FGF13: variants seen among roughly 807,000 people sequenced by gnomAD.
FGF13 encodes the protein fibroblast growth factor 13, also known as fibroblast growth factor homologous factor 2.
In FGF13, 2 loss-of-function variants were observed where a neutral mutation model predicts 19.5. The ratio of observed to expected loss-of-function variants is 0.10; its 90% CI spans 0.04 to 0.32. FGF13 has a LOEUF of 0.32. FGF13 is among the 10% of genes least tolerant of loss of function. The probability of loss-of-function intolerance (pLI) is 1.00; values close to 1 mark genes in which losing one functional copy is unlikely to be tolerated. For missense variants in FGF13, 113 were observed against 192.7 expected, an observed-to-expected ratio of 0.59 and a Z score of 2.45; for synonymous variants, 72 against 76.9, an observed-to-expected ratio of 0.94 and a Z score of 0.33.
intron 3 of FGF13, among the ~76,000 whole-genome samples, chrX:138,833,975 T>A (rs1026219687): frequency 8.9e-6 from 1 of 112,182 alleles, no homozygotes; most frequent in African/African-American, 3.2e-5. Flanking sequence ...GATTTGTGTA[T>A]GCTGAACCAA....
chrX:138,858,273 T>G (rs2091269870), intron 2 of FGF13, among the ~76,000 whole-genome samples: 1 of 111,854 alleles, frequency 8.9e-6, no homozygotes, highest in Non-Finnish European at 1.9e-5. Context: ...GAAACAACGC[T>G]TGGTCAAAGG....
At chrX:138,640,357 T>C (rs1000988610) in intron 3 of FGF13, among the ~76,000 whole-genome samples, 9 of 111,966 alleles carry the variant, frequency 8.0e-5, no homozygotes, top group Admixed American at 7.6e-4. Flanking sequence ...TATATGGAAA[T>C]AACCGCAAGA....
At chrX:139,111,844 G>T (rs2083605084) in intron 1 of FGF13, among the ~76,000 whole-genome samples, 1 of 111,853 alleles carries the variant, frequency 8.9e-6, no homozygotes, top group Non-Finnish European at 1.9e-5. Flanking sequence ...CCTTATACAT[G>T]AAGCATTTTT....
At chrX:138,792,327 C>A (rs1000925474) in intron 3 of FGF13, among the ~76,000 whole-genome samples, 1 of 112,270 alleles carries the variant, frequency 8.9e-6, no homozygotes, top group Non-Finnish European at 1.9e-5. Flanking sequence ...GATTAGGAAA[C>A]TAAGGTTTAG....
intron 1 of FGF13, among the ~76,000 whole-genome samples, chrX:138,910,467 A>G (rs1309644726): frequency 1.8e-5 from 2 of 111,893 alleles, no homozygotes; most frequent in Non-Finnish European, 3.8e-5. Context: ...AGATGGCAGC[A>G]TCAACTTAAA....
intron 3 of FGF13, among the ~76,000 whole-genome samples, chrX:138,786,547 G>T (rs1228088299): frequency 2.7e-5 from 3 of 111,657 alleles, no homozygotes; most frequent in African/African-American, 6.5e-5. Flanking sequence ...TTTCTTCAAG[G>T]TGTCACAGTG....
chrX:138,682,898 T>C (rs2089743479), intron 3 of FGF13, among the ~76,000 whole-genome samples: 1 of 111,827 alleles, frequency 8.9e-6, no homozygotes. Flanking sequence ...AAAACATGCT[T>C]GAGAATGCTT....
At position 138,622,017 on chromosome X, in the gene FGF13, C is replaced by T. The variant is rs1388519180; in HGVS notation, c.*10833G>A. The T allele has an allele frequency of 1.8e-5, 2 of 108,610 alleles. No individual in the cohort carries two copies. Among genetic ancestry groups the T allele is most frequent in the African/African-American group, 3.4e-5 (1 of 29,794 alleles). The allele number at this position is 108,610 out of a possible 1,213,427, so 9.0% of individuals were successfully genotyped here. A position where few individuals can be genotyped will look rare whatever the true frequency, so the allele number is the denominator to read the frequency against. On this transcript the variant is annotated 3_prime_UTR_variant, in exon 5 of 5. Transcript: ENST00000315930. Reference sequence around the variant, plus strand: ...GGCTTCAGTGGTGAATTCTACCCAACATTTAAAGAAAATCTAATATCAATC... The same window carrying T: ...GGCTTCAGTGGTGAATTCTACCCAATATTTAAAGAAAATCTAATATCAATC...
chrX:139,158,723 A>T (rs936554582), intron 1 of FGF13, among the ~76,000 whole-genome samples: 4 of 111,498 alleles, frequency 3.6e-5, no homozygotes, highest in Non-Finnish European at 5.6e-5. Flanking sequence ...AAGAAAGGAT[A>T]TCAGAGATTG....
intron 1 of FGF13, among the ~76,000 whole-genome samples, chrX:139,061,479 A>T (rs2092335824): frequency 9.0e-6 from 1 of 111,638 alleles, no homozygotes; most frequent in African/African-American, 3.3e-5. Context: ...TCTTTTGCAC[A>T]TGCCCACTCT....
intron 1 of FGF13, among the ~76,000 whole-genome samples, chrX:139,124,173 G>A (rs143501864): frequency 1.8e-5 from 2 of 112,228 alleles, no homozygotes; most frequent in African/African-American, 6.5e-5. Flanking sequence ...TAGTGCCCTC[G>A]TCCCTGGGAT....
chrX:139,068,459 G>A (rs1445430150), intron 1 of FGF13, among the ~76,000 whole-genome samples: 2 of 101,452 alleles, frequency 2.0e-5, no homozygotes, highest in Non-Finnish European at 3.9e-5. Context: ...GGATTGACTT[G>A]GCGATGCGGG....
At chrX:139,168,854 C>T (rs1038237202) in intron 1 of FGF13, among the ~76,000 whole-genome samples, 2 of 111,938 alleles carry the variant, frequency 1.8e-5, no homozygotes, top group Non-Finnish European at 3.8e-5. Context: ...TAGGACATAA[C>T]TGAAAATATA....
chrX:138,686,113 T>G (rs1246929326), intron 3 of FGF13, among the ~76,000 whole-genome samples: 2 of 111,432 alleles, frequency 1.8e-5, no homozygotes, highest in African/African-American at 3.3e-5. Flanking sequence ...AGAAAAAAGG[T>G]TAATCTTACG....
chrX:138,838,476 G>A (rs1483464743), intron 3 of FGF13, among the ~76,000 whole-genome samples: 1 of 111,848 alleles, frequency 8.9e-6, no homozygotes, highest in Non-Finnish European at 1.9e-5. Context: ...AAAGATCCAT[G>A]GGAGAATTGT....
rs748516408 is a variant in FGF13, at chrX:138,878,415, C to A, written c.-112-13765G>T. ...GAACATGCGGTGTTTGGTTTTTTGT[C>A]CTTGCGATAGTTTGCTGAGAATGAT... is the stretch of plus-strand genomic sequence containing the variant. On this transcript the variant is annotated intron_variant, in intron 1 of 2. Coordinates refer to the FGF13 transcript ENST00000421460. 2.9e-5 allele frequency among the ~76,000 whole-genome samples: 3 copies of A among 104,546 alleles called. No individual in the cohort carries two copies. In the East Asian group the frequency reaches 9.3e-4, roughly 32 times the overall value. The allele number at this position is 104,546 out of a possible 115,157, so 90.8% of individuals were successfully genotyped here.
At chrX:138,921,669 G>C (rs2091645897) in intron 1 of FGF13, among the ~76,000 whole-genome samples, 1 of 111,344 alleles carries the variant, frequency 9.0e-6, no homozygotes, top group African/African-American at 3.3e-5. Flanking sequence ...CAAGAAGACA[G>C]TCAATATTAT....
At chrX:138,748,938 G>C (rs2090376591) in intron 3 of FGF13, among the ~76,000 whole-genome samples, 1 of 111,924 alleles carries the variant, frequency 8.9e-6, no homozygotes, top group Non-Finnish European at 1.9e-5. Context: ...GAAAAGTGAA[G>C]CAGCAAATGT....
intron 1 of FGF13, among the ~76,000 whole-genome samples, chrX:138,992,951 A>G (rs905883273): frequency 1.8e-5 from 2 of 112,222 alleles, no homozygotes; most frequent in Non-Finnish European, 1.9e-5. Context: ...ATCACCAGTA[A>G]GGAGACATAG....
Sources: allele counts gnomAD v4.1 joint callset (sites outside exome capture counted in the v4.1 genomes callset), GRCh38; gene constraint gnomAD v4.1.1; transcripts MANE v1.5; gene names NCBI Gene and HGNC (gene_info 2026-07-23, HGNC 2026-07-21).